Variants in OSBPL3 observed in about 807,000 individuals in gnomAD.
OSBPL3 encodes oxysterol binding protein like 3.
In OSBPL3, 65 loss-of-function variants were observed where a neutral mutation model predicts 120.1. That is an observed-to-expected ratio of 0.54 (90% CI 0.44 to 0.67). OSBPL3 has a LOEUF of 0.67. Among genes scored for constraint, OSBPL3 ranks in the 30% least tolerant of loss-of-function variants. OSBPL3 has a pLI of 0.00. For missense variants in OSBPL3, 1,004 were observed against 1,082.1 expected (o/e 0.93, Z 1.01); for synonymous variants, 416 against 402.6 (o/e 1.03, Z -0.40).
At chr7:24,928,104 C>T (rs77489051) in intron 1 of OSBPL3, among the ~76,000 whole-genome samples, 5,374 of 152,158 alleles carry the variant, frequency 0.035, 123 homozygotes, top group Non-Finnish European at 0.055. Flanking sequence ...CCCCCTTCGC[C>T]TTCTGCCATG....
At chr7:24,842,844 A>G (rs1304234162) in intron 12 of OSBPL3, among the ~76,000 whole-genome samples, 23 of 152,144 alleles carry the variant, frequency 1.5e-4, no homozygotes, top group Admixed American at 1.2e-3. Context: ...TTCTGCCCCT[A>G]TGCTCTCTGA....
chr7:24,869,609 A>G (rs1801826447), intron 5 of OSBPL3, among the ~76,000 whole-genome samples: 2 of 152,198 alleles, frequency 1.3e-5, no homozygotes, highest in South Asian at 4.1e-4. Context: ...ACACTGCTCA[A>G]TATCCTGCTG....
chr7:24,870,144 T>C (rs1486462892), intron 5 of OSBPL3, among the ~76,000 whole-genome samples: 6 of 152,138 alleles, frequency 3.9e-5, no homozygotes, highest in African/African-American at 7.2e-5. Flanking sequence ...GGCTAGTGAG[T>C]AGCCACATCA....
chr7:24,878,712 G>C (rs888431378), intron 2 of OSBPL3, among the ~76,000 whole-genome samples: 1 of 152,186 alleles, frequency 6.6e-6, no homozygotes, highest in African/African-American at 2.4e-5. Flanking sequence ...GATAGCAATG[G>C]CAATTTTTAA....
At chr7:24,904,882 C>T (rs1562909304) in intron 1 of OSBPL3, among the ~76,000 whole-genome samples, 1 of 148,948 alleles carries the variant, frequency 6.7e-6, no homozygotes, top group Non-Finnish European at 1.5e-5. Context: ...TTAATGGATA[C>T]AGAGTTTCAG....
chr7:24,866,017 A>G, intron 6 of OSBPL3, 53 bp downstream of exon 6: 2 of 1,491,386 alleles, frequency 1.3e-6, no homozygotes, highest in East Asian at 2.3e-5. Flanking sequence ...ACAGGACTCC[A>G]TGAAACAAAG....
chr7:24,980,328 A>G (rs886314), upstream of OSBPL3: 36,519 of 151,482 alleles, frequency 0.24, 5,220 homozygotes, highest in Non-Finnish European at 0.34. Context: ...GCCTTTCGGG[A>G]AGGAGGTGGG....
In OSBPL3 at chr7:24,813,369, T is replaced by A. The variant is rs1036773324; in HGVS notation, c.2172+1690A>T. Among the ~76,000 whole-genome samples the A allele has an allele frequency of 2.0e-5, 3 of 152,184 alleles. No homozygotes were observed. Among genetic ancestry groups the A allele is most frequent in the Admixed American group, 6.5e-5 (1 of 15,278 alleles). ...TTCATCTCTCATGACTATACACCCA[T>A]TTTCTGCATGTAAGTGAATGAGAAC... On this transcript the variant is annotated intron_variant, in intron 19 of 22. Coordinates refer to ENST00000313367, the MANE Select transcript of OSBPL3 (RefSeq NM_015550.4). The surrounding 1 kb of genome is among the most constrained non-coding windows in gnomAD (Gnocchi z 4.5).
chr7:24,924,678 A>G (rs1810824707), intron 1 of OSBPL3, among the ~76,000 whole-genome samples: 1 of 152,234 alleles, frequency 6.6e-6, no homozygotes, highest in African/African-American at 2.4e-5. Context: ...GAGACAGCCA[A>G]TTCCATTTTT....
intron 10 of OSBPL3, among the ~76,000 whole-genome samples, chr7:24,853,943 C>T (rs1799493548): frequency 1.3e-5 from 2 of 152,128 alleles, no homozygotes; most frequent in Admixed American, 6.5e-5. Flanking sequence ...ACCCAGAATC[C>T]CCCAGCTCTA....
chr7:24,840,552 C>A lies in OSBPL3; in HGVS notation c.1495+138G>T. 4.3e-6 allele frequency: 2 copies of A among 460,536 alleles called. 1 individual carries two copies. Among genetic ancestry groups the A allele is most frequent in the Non-Finnish European group, 7.6e-6 (2 of 263,432 alleles). The allele number at this position is 460,536 out of a possible 1,614,324, so 28.5% of individuals were successfully genotyped here. A position where few individuals can be genotyped will look rare whatever the true frequency, so the allele number is the denominator to read the frequency against. On this transcript the variant is annotated intron_variant, in intron 14 of 22. Coordinates refer to ENST00000313367, the MANE Select transcript of OSBPL3 (RefSeq NM_015550.4). ...GTTAGTAGTTACATCTTTGGGGAGT[C>A]AAAAGTTATACATGGATTTTCATCT...
intron 10 of OSBPL3, among the ~76,000 whole-genome samples, chr7:24,857,820 T>G (rs1253408566): frequency 6.6e-6 from 1 of 152,220 alleles, no homozygotes; most frequent in Non-Finnish European, 1.5e-5. Context: ...GCTGCAGGAC[T>G]TCTCAGGGCC....
In OSBPL3 at chr7:24,912,889, T is replaced by C. The variant is rs1439476597; in HGVS notation, c.-149-20268A>G. ...GTGACTTCTGAGGCTGCATTAGAAA[T>C]GGCAATGTAACTTCCACTTGTCCTG... On this transcript the variant is annotated intron_variant, in intron 1 of 22. Coordinates refer to ENST00000313367, the MANE Select transcript of OSBPL3 (RefSeq NM_015550.4). The surrounding 1 kb of genome is among the most constrained non-coding windows in gnomAD (Gnocchi z 4.5). 6.6e-6 allele frequency among the ~76,000 whole-genome samples: 1 copy of C among 152,188 alleles called. No individual in the cohort carries two copies. The highest frequency in any genetic ancestry group is 6.5e-5 in the Admixed American group (1 of 15,280).
chr7:24,945,254 A>G (rs1199756916), intron 1 of OSBPL3, among the ~76,000 whole-genome samples: 1 of 152,138 alleles, frequency 6.6e-6, no homozygotes, highest in East Asian at 1.9e-4. Flanking sequence ...TAATTCATTC[A>G]TTCTCCCACA....
chr7:24,882,108 T>C (rs547529707), intron 2 of OSBPL3, among the ~76,000 whole-genome samples: 14 of 152,174 alleles, frequency 9.2e-5, no homozygotes, highest in Admixed American at 2.0e-4. Flanking sequence ...GATACATCTT[T>C]TTCTTTTAAA....
chr7:24,822,492 A>G lies in OSBPL3; in HGVS notation c.1885-2254T>C, dbSNP rs1795241934. Among the ~76,000 whole-genome samples the G allele has an allele frequency of 6.6e-6, 1 of 152,170 alleles. No homozygotes were observed. Among genetic ancestry groups the G allele is most frequent in the African/African-American group, 2.4e-5 (1 of 41,450 alleles). ...TCCCCACTCCCCACTTCTCCACCCCAGCTGGCATGACCCACTATGAAATGG... is the reference window on the plus strand; with the variant it reads ...TCCCCACTCCCCACTTCTCCACCCCGGCTGGCATGACCCACTATGAAATGG... On this transcript the variant is annotated intron_variant, in intron 16 of 22. Transcript: ENST00000313367. The surrounding 1 kb of genome is among the most constrained non-coding windows in gnomAD (Gnocchi z 5.8).
chr7:24,889,836 G>T (rs985868703), intron 2 of OSBPL3, among the ~76,000 whole-genome samples: 2 of 152,198 alleles, frequency 1.3e-5, no homozygotes, highest in Non-Finnish European at 2.9e-5. Context: ...TTAAAGATCT[G>T]CTTGCCCAGG....
At chr7:24,848,182 G>A (rs779959297) in intron 12 of OSBPL3, among the ~76,000 whole-genome samples, 30 of 152,178 alleles carry the variant, frequency 2.0e-4, no homozygotes, top group Non-Finnish European at 4.0e-4. Flanking sequence ...AAGGAGTGAA[G>A]GTGTGTGAGG....
At chr7:24,901,513 C>T (rs531542898) in intron 1 of OSBPL3, among the ~76,000 whole-genome samples, 1 of 152,328 alleles carries the variant, frequency 6.6e-6, no homozygotes, top group Admixed American at 6.5e-5. Context: ...CACAAAACAC[C>T]CATGCACCAG....
Sources: allele counts gnomAD v4.1 joint callset (sites outside exome capture counted in the v4.1 genomes callset), GRCh38; gene constraint gnomAD v4.1.1; non-coding constraint Gnocchi (gnomAD v3.1); transcripts MANE v1.5; gene names NCBI Gene and HGNC (gene_info 2026-07-23, HGNC 2026-07-21).